The following CNTNAP2 variants were observed in gnomAD, a reference collection of about 807,000 sequenced individuals.
CNTNAP2 encodes contactin associated protein 2.
Under a neutral mutation model 155.2 loss-of-function variants are expected in CNTNAP2, and 98 were observed. The ratio of observed to expected loss-of-function variants is 0.63; its 90% CI spans 0.54 to 0.75. The LOEUF (loss-of-function observed/expected upper bound fraction) is 0.75. Ranked by LOEUF, CNTNAP2 falls within the 30% of genes least tolerant of loss-of-function variation. The pLI is 0.00. For missense variants in CNTNAP2, 1,727 were observed against 1,688.1 expected, an observed-to-expected ratio of 1.02 and a Z score of -0.40; for synonymous variants, 651 against 631.2, an observed-to-expected ratio of 1.03 and a Z score of -0.47.
intron 13 of CNTNAP2, among the ~76,000 whole-genome samples, chr7:147,887,108 C>A (rs970940388): frequency 2.0e-5 from 3 of 152,196 alleles, no homozygotes; most frequent in African/African-American, 7.2e-5. Flanking sequence ...TTAAAACCTA[C>A]AGTAACAGAC....
intron 16 of CNTNAP2, among the ~76,000 whole-genome samples, chr7:148,130,564 C>G (rs934878811): frequency 3.3e-5 from 5 of 152,202 alleles, no homozygotes; most frequent in African/African-American, 1.2e-4. Context: ...TCCCCCTGTG[C>G]CTTATAAGAC....
At chr7:146,835,609 A>G (rs1450671180) in intron 2 of CNTNAP2, among the ~76,000 whole-genome samples, 6 of 152,154 alleles carry the variant, frequency 3.9e-5, no homozygotes. Context: ...GAAAAAAATA[A>G]CATATAAAAA....
intron 13 of CNTNAP2, among the ~76,000 whole-genome samples, chr7:147,851,697 G>A (rs975385152): frequency 2.1e-4 from 31 of 147,568 alleles, no homozygotes; most frequent in South Asian, 1.5e-3. Context: ...ACTCATAGGC[G>A]GGAATTGAAC....
intron 1 of CNTNAP2, among the ~76,000 whole-genome samples, chr7:146,478,020 G>T (rs1796905104): frequency 6.6e-6 from 1 of 152,082 alleles, no homozygotes; most frequent in African/African-American, 2.4e-5. Flanking sequence ...TTACTCTTTG[G>T]TAACCCCAGA....
At chr7:148,405,909 T>C (rs1799693486) in intron 22 of CNTNAP2, among the ~76,000 whole-genome samples, 1 of 152,062 alleles carries the variant, frequency 6.6e-6, no homozygotes, top group Non-Finnish European at 1.5e-5. Flanking sequence ...TTTATCACTA[T>C]ATTTAATATA....
intron 15 of CNTNAP2, among the ~76,000 whole-genome samples, chr7:148,107,762 C>T (rs1804254863): frequency 6.6e-6 from 1 of 152,208 alleles, no homozygotes; most frequent in Non-Finnish European, 1.5e-5. Context: ...AGAGAATCTG[C>T]AAATCTCTAA....
intron 1 of CNTNAP2, among the ~76,000 whole-genome samples, chr7:146,502,051 C>T (rs1243392099): frequency 6.6e-6 from 1 of 151,932 alleles, no homozygotes; most frequent in Non-Finnish European, 1.5e-5. Context: ...CTCCTAACTA[C>T]ATGAAGTGAA....
intron 1 of CNTNAP2, among the ~76,000 whole-genome samples, chr7:146,121,106 TACATAAAGCTTCC>T (rs1797555932): frequency 1.2e-4 from 18 of 148,976 alleles, no homozygotes; most frequent in Non-Finnish European, 1.9e-4. Context: ...TCTTAAAGTT[TACATAAAGCTTCC>T]TTTTTTTTTT....
intron 4 of CNTNAP2, among the ~76,000 whole-genome samples, chr7:147,044,309 A>C (rs1799316483): frequency 6.6e-6 from 1 of 152,104 alleles, no homozygotes; most frequent in Non-Finnish European, 1.5e-5. Context: ...TTTAGGTTGA[A>C]GATTTGGAAA....
At chr7:148,301,969 C>A (rs1339584816) in intron 21 of CNTNAP2, among the ~76,000 whole-genome samples, 1 of 152,224 alleles carries the variant, frequency 6.6e-6, no homozygotes, top group Non-Finnish European at 1.5e-5. Flanking sequence ...CTGTATGACA[C>A]CAAGGCTAGC....
Position 146,317,276 on chromosome 7 carries a change from A to G in CNTNAP2, c.97+200303A>G, listed in dbSNP as rs146758894. ...CACAAGCAAATAGGTAATCATCTAT[A>G]CTAAGCTCTAATATAAGTTCCAAGA... On this transcript the variant is annotated intron_variant, in intron 1 of 23. Transcript: ENST00000361727. 3.0e-3 allele frequency among the ~76,000 whole-genome samples: 450 copies of G among 152,348 alleles called. 2 individuals carry two copies. Among genetic ancestry groups the G allele is most frequent in the Middle Eastern group, 0.014 (4 of 294 alleles).
intron 1 of CNTNAP2, among the ~76,000 whole-genome samples, chr7:146,307,650 G>C (rs1800739524): frequency 6.6e-6 from 1 of 152,214 alleles, no homozygotes; most frequent in East Asian, 1.9e-4. Flanking sequence ...CAATGGAACA[G>C]AATAGAGCCC....
At chr7:147,992,166 C>T (rs1206429101) in intron 15 of CNTNAP2, among the ~76,000 whole-genome samples, 4 of 131,114 alleles carry the variant, frequency 3.1e-5, no homozygotes, top group African/African-American at 1.2e-4. Flanking sequence ...GTGATCTCGG[C>T]TCACTGCAAC....
chr7:146,275,790 G>A lies in CNTNAP2; in HGVS notation c.97+158817G>A, dbSNP rs147790210. Among the ~76,000 whole-genome samples, 322 of 152,286 alleles carry A rather than the reference G, an allele frequency of 2.1e-3. 4 individuals carry two copies. The Middle Eastern group carries it at 0.041, about 19-fold the overall frequency. Reference sequence around the variant, plus strand: ...TCTATGATTCTCGTTTATAGAACTGGAGGTTTCGCATTTCCCATTCCTACC... The same window carrying A: ...TCTATGATTCTCGTTTATAGAACTGAAGGTTTCGCATTTCCCATTCCTACC... On this transcript the variant is annotated intron_variant, in intron 1 of 23. Transcript: ENST00000361727.
intron 1 of CNTNAP2, among the ~76,000 whole-genome samples, chr7:146,463,325 A>C (rs1370818634): frequency 6.6e-6 from 1 of 151,872 alleles, no homozygotes; most frequent in East Asian, 1.9e-4. Flanking sequence ...TTTCTTTTTG[A>C]ATTCTTCTGT....
intron 3 of CNTNAP2, among the ~76,000 whole-genome samples, chr7:147,040,198 A>T (rs1251739078): frequency 3.3e-5 from 5 of 152,166 alleles, no homozygotes; most frequent in Admixed American, 3.3e-4. Context: ...AAAGCTCACT[A>T]TGTAGTTTAA....
intron 1 of CNTNAP2, among the ~76,000 whole-genome samples, chr7:146,614,043 G>A (rs938883501): frequency 5.3e-5 from 8 of 152,080 alleles, no homozygotes; most frequent in African/African-American, 1.9e-4. Context: ...TTATTTCTTG[G>A]TTACTACTAT....
At chr7:147,502,741 GTATATA>G (rs71183011) in intron 11 of CNTNAP2, among the ~76,000 whole-genome samples, 1 of 99,956 alleles carries the variant, frequency 1.0e-5, no homozygotes, top group Admixed American at 1.2e-4. Flanking sequence ...GTGTGTGTGT[GTATATA>G]TATATATATA....
At chr7:147,241,593 A>C (rs1039015926) in intron 8 of CNTNAP2, among the ~76,000 whole-genome samples, 8 of 147,162 alleles carry the variant, frequency 5.4e-5, no homozygotes, top group Admixed American at 2.1e-4. Context: ...GTGCCATTGC[A>C]CTCCAGCCTG....
Sources: allele counts gnomAD v4.1 joint callset (sites outside exome capture counted in the v4.1 genomes callset), GRCh38; gene constraint gnomAD v4.1.1; transcripts MANE v1.5; gene names NCBI Gene and HGNC (gene_info 2026-07-23, HGNC 2026-07-21).